The following PTPRR variants were observed in gnomAD, a reference collection of about 807,000 sequenced individuals.
The protein encoded by PTPRR is receptor-type tyrosine-protein phosphatase R.
A neutral mutation model predicts 77.2 loss-of-function variants in PTPRR; 38 were observed. The ratio of observed to expected loss-of-function variants is 0.49; its 90% CI spans 0.38 to 0.65. PTPRR has a LOEUF of 0.65. Among genes scored for constraint, PTPRR ranks in the 30% least tolerant of loss-of-function variants. The pLI is 0.00. For missense variants in PTPRR, 744 were observed against 799.2 expected (o/e 0.93, Z 0.83); for synonymous variants, 299 against 283.1 (o/e 1.06, Z -0.57).
In PTPRR at chr12:70,892,855, T is replaced by C; in HGVS notation, c.181A>G (p.Ile61Val). Residue 61 changes from isoleucine to valine, a missense_variant, in exon 2 of 14, where the codon ATC (isoleucine) becomes GTC (valine). By Grantham distance (29) the Ile-to-Val change is conservative. This residue lies in a region of PTPRR where 570 missense variants were observed against 573.2 expected (regional missense o/e 0.99). Coordinates refer to ENST00000283228, the MANE Select transcript of PTPRR (RefSeq NM_002849.4). ...GAGGAATGGTAGCTATGTCTGTAGATTTTTTGTGGGGCTATATCCAGGCTC... is the reference window on the plus strand; with the variant it reads ...GAGGAATGGTAGCTATGTCTGTAGACTTTTTGTGGGGCTATATCCAGGCTC... ...EKSLDIAPQK[I>V]YRHSYHSSSE... 1 of 1,613,580 alleles carries C rather than the reference T, an allele frequency of 6.2e-7. No individual in the cohort carries two copies. The highest frequency in any genetic ancestry group is 8.5e-7 in the Non-Finnish European group (1 of 1,179,618).
At chr12:70,776,975 A>G (rs937075736) in intron 2 of PTPRR, among the ~76,000 whole-genome samples, 2 of 152,190 alleles carry the variant, frequency 1.3e-5, no homozygotes, top group African/African-American at 4.8e-5. Context: ...CCTAATCCGC[A>G]GAAATAATCC....
At chr12:70,819,267 T>G (rs1442920580) in intron 2 of PTPRR, among the ~76,000 whole-genome samples, 1 of 152,228 alleles carries the variant, frequency 6.6e-6, no homozygotes, top group African/African-American at 2.4e-5. Flanking sequence ...ATTGCACCAC[T>G]GCGCTCCAGC....
At chr12:70,664,861 T>C (rs2136681028) in intron 10 of PTPRR, among the ~76,000 whole-genome samples, 1 of 152,330 alleles carries the variant, frequency 6.6e-6, no homozygotes, top group South Asian at 2.1e-4. Context: ...CATTTTTCCC[T>C]CATTTAGATG....
At chr12:70,651,792 A>G (rs1190601365) in intron 13 of PTPRR, among the ~76,000 whole-genome samples, 2 of 152,160 alleles carry the variant, frequency 1.3e-5, no homozygotes, top group Non-Finnish European at 2.9e-5. Context: ...CAGAGAAATA[A>G]TTAGAGATCA....
At chr12:70,796,953 G>A (rs11178430) in intron 2 of PTPRR, among the ~76,000 whole-genome samples, 1,665 of 152,244 alleles carry the variant, frequency 0.011, 17 homozygotes, top group Middle Eastern at 0.031. Flanking sequence ...AGGAGGCAGA[G>A]GTTGCTGTGA....
At chr12:70,731,032 GGA>G (rs1209294702) in intron 6 of PTPRR, among the ~76,000 whole-genome samples, 136 of 100,332 alleles carry the variant, frequency 1.4e-3, no homozygotes, top group African/African-American at 4.1e-3. Context: ...GAGAGAGGAA[GGA>G]GAGAGAGGAA....
At position 70,679,193 on chromosome 12, in the gene PTPRR, A is replaced by G. The variant is rs1042261313; in HGVS notation, c.1497+4934T>C. Among the ~76,000 whole-genome samples the G allele has an allele frequency of 1.1e-4, 16 of 152,220 alleles. No homozygotes were observed. In the South Asian group the frequency reaches 1.2e-3, roughly 12 times the overall value. On this transcript the variant is annotated intron_variant, in intron 10 of 13. Coordinates refer to ENST00000283228, the MANE Select transcript of PTPRR (RefSeq NM_002849.4). ...TTCATTGATCCATTGGTTGTTTAGG[A>G]GCATATTGTTTAATTTTCATTAAAC...
At chr12:70,781,301 A>T (rs1891198353) in intron 2 of PTPRR, among the ~76,000 whole-genome samples, 1 of 152,248 alleles carries the variant, frequency 6.6e-6, no homozygotes, top group African/African-American at 2.4e-5. Context: ...TCAGAGAAAC[A>T]TCATGGTAAA....
chr12:70,894,163 A>G (rs1456438706), intron 1 of PTPRR, among the ~76,000 whole-genome samples: 1 of 151,720 alleles, frequency 6.6e-6, no homozygotes, highest in Admixed American at 6.6e-5. Flanking sequence ...AAAATTACTT[A>G]CCTCTTTTTA....
rs551341933 is a variant in PTPRR, at chr12:70,864,513, T to C, written c.357+28166A>G. Among the ~76,000 whole-genome samples, 4 of 152,326 alleles carry C rather than the reference T, an allele frequency of 2.6e-5. No individual in the cohort carries two copies. The East Asian group carries it at 7.7e-4, about 29-fold the overall frequency. ...TATTGTTACTTCAAGCAAATATGCA[T>C]AATTAAGTTCTCATAAATGTAAGCT... On this transcript the variant is annotated intron_variant, in intron 2 of 13. Transcript: ENST00000283228.
At chr12:70,687,891 A>G (rs560134306) in intron 8 of PTPRR, among the ~76,000 whole-genome samples, 15 of 152,296 alleles carry the variant, frequency 9.8e-5, no homozygotes, top group African/African-American at 3.4e-4. Flanking sequence ...CATTCTGGAA[A>G]TAAGTCCAAT....
At chr12:70,701,990 A>T (rs780228679) in intron 6 of PTPRR, among the ~76,000 whole-genome samples, 1 of 152,080 alleles carries the variant, frequency 6.6e-6, no homozygotes, top group Non-Finnish European at 1.5e-5. Flanking sequence ...AATAAATAAA[A>T]CAATAGATAA....
chr12:70,669,559 TACACAC>T (rs566522694), intron 10 of PTPRR, among the ~76,000 whole-genome samples: 28 of 141,778 alleles, frequency 2.0e-4, no homozygotes, highest in East Asian at 4.1e-4. Flanking sequence ...ATATATGTTA[TACACAC>T]ACACACACAC....
chr12:70,801,158 T>C (rs1235379287), intron 2 of PTPRR, among the ~76,000 whole-genome samples: 2 of 152,204 alleles, frequency 1.3e-5, no homozygotes, highest in African/African-American at 4.8e-5. Flanking sequence ...TTGTACAAAC[T>C]AGGCAGTTCC....
At chr12:70,910,923 A>G (rs1249194960) in intron 1 of PTPRR, among the ~76,000 whole-genome samples, 2 of 152,200 alleles carry the variant, frequency 1.3e-5, no homozygotes, top group Non-Finnish European at 2.9e-5. Flanking sequence ...AAAAGTTTCT[A>G]TAACTGAATT....
intron 2 of PTPRR, among the ~76,000 whole-genome samples, chr12:70,779,917 A>G (rs543897085): frequency 5.3e-5 from 8 of 152,220 alleles, no homozygotes; most frequent in East Asian, 1.9e-4. Context: ...TAGAATTAAC[A>G]TGTCTCTGAC....
chr12:70,729,326 G>A (rs867469395), intron 6 of PTPRR, among the ~76,000 whole-genome samples: 5 of 150,966 alleles, frequency 3.3e-5, no homozygotes, highest in African/African-American at 9.8e-5. Context: ...GTATCTATCT[G>A]TCTATCTATC....
chr12:70,771,926 T>G (rs1890986814), intron 2 of PTPRR, among the ~76,000 whole-genome samples: 1 of 152,200 alleles, frequency 6.6e-6, no homozygotes, highest in African/African-American at 2.4e-5. Flanking sequence ...ACAATTCTTA[T>G]TCAGTTGTTT....
At chr12:70,787,776 T>C (rs1048681453) in intron 2 of PTPRR, among the ~76,000 whole-genome samples, 3 of 152,206 alleles carry the variant, frequency 2.0e-5, no homozygotes, top group African/African-American at 7.2e-5. Context: ...TTGGGCCATC[T>C]TGATGACTGT....
Sources: allele counts gnomAD v4.1 joint callset (sites outside exome capture counted in the v4.1 genomes callset), GRCh38; gene constraint gnomAD v4.1.1; regional missense constraint gnomAD v4.1.1; transcripts MANE v1.5; gene names NCBI Gene and HGNC (gene_info 2026-07-23, HGNC 2026-07-21).